Variants in ANKRD11 observed in about 807,000 individuals in gnomAD.
The protein encoded by ANKRD11 is ankyrin repeat domain-containing protein 11.
Under a neutral mutation model 195.7 loss-of-function variants are expected in ANKRD11, and 17 were observed. The ratio of observed to expected loss-of-function variants is 0.09; its 90% CI spans 0.06 to 0.13. The LOEUF (loss-of-function observed/expected upper bound fraction) is 0.13. Ranked by LOEUF, ANKRD11 falls within the 10% of genes least tolerant of loss-of-function variation. ANKRD11 has a pLI of 1.00. For synonymous variants in ANKRD11, 1,953 were observed against 1,528.1 expected, an observed-to-expected ratio of 1.28 and a Z score of -6.49; for missense variants, 3,735 against 3,566.1, an observed-to-expected ratio of 1.05 and a Z score of -1.21.
rs558566675 is a variant in ANKRD11 at position 89,283,332 on chromosome 16, A to G, written c.3210T>C (p.His1070=). The part of the protein sequence containing the change: ...KDTKEKHKDT[H]GKDKERKASL... The stretch of plus-strand genomic sequence containing the variant: ...ACGCTTTCCTTTCTTTGTCTTTGCC[A>G]TGTGTGTCTTTATGTTTTTCCTTGG... Residue 1070 remains histidine (H), a synonymous_variant, in exon 9 of 13, where the codon CAT becomes CAC. Coordinates refer to ENST00000301030, the MANE Select transcript of ANKRD11 (RefSeq NM_013275.6). This position sits in a 1 kb window ranked among gnomAD's most constrained non-coding sequence, Gnocchi z 4.3. 1 of 1,613,342 alleles carries G rather than the reference A, an allele frequency of 6.2e-7. No homozygotes were observed. The highest frequency in any genetic ancestry group is 1.1e-5 in the South Asian group (1 of 91,070).
intron 2 of ANKRD11, among the ~76,000 whole-genome samples, chr16:89,337,386 T>C (rs1384750246): frequency 6.8e-6 from 1 of 146,724 alleles, no homozygotes; most frequent in Non-Finnish European, 1.5e-5. Flanking sequence ...TTTTTGTCAC[T>C]GTTAACCCTA....
At chr16:89,458,209 T>C (rs1430160298) in intron 1 of ANKRD11, among the ~76,000 whole-genome samples, 8 of 152,168 alleles carry the variant, frequency 5.3e-5, no homozygotes. Flanking sequence ...ACTTTAGCAC[T>C]TGCTTTACGT....
At chr16:89,370,643 G>C (rs1341566089) in intron 2 of ANKRD11, 2 of 152,498 alleles carry the variant, frequency 1.3e-5, no homozygotes, top group African/African-American at 4.8e-5. Flanking sequence ...ACGCCCAGGT[G>C]AGCTCAGCAT....
At chr16:89,358,726 G>A (rs2039598041) in intron 2 of ANKRD11, among the ~76,000 whole-genome samples, 3 of 152,168 alleles carry the variant, frequency 2.0e-5, no homozygotes, top group African/African-American at 7.2e-5. Context: ...TGCTGAGGAC[G>A]GGACATCTGC....
intron 2 of ANKRD11, chr16:89,403,706 G>C (rs1296696801): frequency 5.9e-5 from 9 of 152,208 alleles, no homozygotes; most frequent in Admixed American, 5.9e-4. Context: ...GAGGCAGGAA[G>C]ATGACTTGAG....
chr16:89,385,567 C>G (rs941261720), intron 2 of ANKRD11, among the ~76,000 whole-genome samples: 1 of 152,150 alleles, frequency 6.6e-6, no homozygotes, highest in African/African-American at 2.4e-5. Context: ...ACCAATTCTC[C>G]AACTCTACTG....
intron 11 of ANKRD11, among the ~76,000 whole-genome samples, chr16:89,274,267 G>C (rs1286502035): frequency 6.6e-6 from 1 of 152,222 alleles, no homozygotes; most frequent in Non-Finnish European, 1.5e-5. Context: ...CCCCACAGCA[G>C]ATGGGCAGGA....
Position 89,285,220 on chromosome 16 carries a change from T to C in ANKRD11, c.1322A>G (p.Glu441Gly). The C allele has an allele frequency of 6.2e-7, 1 of 1,613,792 alleles. No individual in the cohort carries two copies. Among genetic ancestry groups the C allele is most frequent in the Non-Finnish European group, 8.5e-7 (1 of 1,180,028 alleles). The change falls in exon 9 of 13, where the codon GAG becomes GGG. Residue 441 changes from glutamate to glycine, a missense_variant. Glu to Gly is a moderately conservative substitution (Grantham distance 98). Transcript: ENST00000301030. The surrounding 1 kb of genome is among the most constrained non-coding windows in gnomAD (Gnocchi z 5.6). ...HTILPGSKTR[E>G]PSNAKQQKEK... ...CTTCTGCTGCTTGGCATTAGAAGGCTCTCGTGTCTTACTACCAGGCAATAT... is the reference window on the plus strand; with the variant it reads ...CTTCTGCTGCTTGGCATTAGAAGGCCCTCGTGTCTTACTACCAGGCAATAT...
intron 1 of ANKRD11, among the ~76,000 whole-genome samples, chr16:89,425,154 C>T (rs1467848581): frequency 6.6e-6 from 1 of 151,832 alleles, no homozygotes; most frequent in Non-Finnish European, 1.5e-5. Flanking sequence ...CTAGCACCAA[C>T]TCACTTTATC....
intron 1 of ANKRD11, among the ~76,000 whole-genome samples, chr16:89,476,108 A>G (rs1369845251): frequency 6.6e-6 from 1 of 152,110 alleles, no homozygotes; most frequent in Non-Finnish European, 1.5e-5. Flanking sequence ...GAAAACACAG[A>G]AAATATGCAA....
chr16:89,436,186 G>T (rs2043209330), intron 1 of ANKRD11, among the ~76,000 whole-genome samples: 1 of 151,206 alleles, frequency 6.6e-6, no homozygotes, highest in Non-Finnish European at 1.5e-5. Context: ...AGACGGAGAT[G>T]GGTGGATCAC....
intron 2 of ANKRD11, among the ~76,000 whole-genome samples, chr16:89,415,677 A>G (rs1385805817): frequency 6.6e-6 from 1 of 151,084 alleles, no homozygotes; most frequent in Non-Finnish European, 1.5e-5. Flanking sequence ...AAAACACAAA[A>G]ATCAGCTGGG....
At position 89,279,260 on chromosome 16, in the gene ANKRD11, C is replaced by T; in HGVS notation, c.7282G>A (p.Glu2428Lys). ...IVDAIKLDAI[E>K]PYHSDRANPY... ...TTGGCCCTGTCGCTGTGGTAGGGCT[C>T]GATGGCATCCAGCTTGATGGCGTCC... The change falls in exon 9 of 13, where the codon GAG (glutamate) becomes AAG (lysine). Residue 2428 changes from glutamate to lysine, a missense_variant. Transcript: ENST00000301030. The surrounding 1 kb of genome is among the most constrained non-coding windows in gnomAD (Gnocchi z 5.6). 1 of 1,611,662 alleles carries T rather than the reference C, an allele frequency of 6.2e-7. No individual in the cohort carries two copies. Among genetic ancestry groups the T allele is most frequent in the Non-Finnish European group, 8.5e-7 (1 of 1,179,586 alleles).
chr16:89,415,754 G>C (rs1309935995), intron 2 of ANKRD11, among the ~76,000 whole-genome samples: 1 of 147,520 alleles, frequency 6.8e-6, no homozygotes, highest in African/African-American at 2.5e-5. Context: ...CTTGAATCTG[G>C]GAGGTGGAGG....
At chr16:89,453,643 C>A (rs1319064052) in intron 1 of ANKRD11, among the ~76,000 whole-genome samples, 1 of 152,176 alleles carries the variant, frequency 6.6e-6, no homozygotes, top group Non-Finnish European at 1.5e-5. Context: ...CACAAAGCAT[C>A]TGTTCAAGCA....
At chr16:89,324,864 T>G in intron 2 of ANKRD11, 3 of 278,356 alleles carry the variant, frequency 1.1e-5, no homozygotes, top group South Asian at 1.0e-4. Flanking sequence ...ATTGTGGGAC[T>G]TCACCTCATG....
chr16:89,451,085 G>C (rs1409819799), intron 1 of ANKRD11, among the ~76,000 whole-genome samples: 5 of 152,182 alleles, frequency 3.3e-5, no homozygotes, highest in Non-Finnish European at 7.3e-5. Flanking sequence ...AAGTTAAGTA[G>C]TTTCAACAGA....
intron 2 of ANKRD11, among the ~76,000 whole-genome samples, chr16:89,399,651 C>T (rs779360402): frequency 1.3e-5 from 2 of 152,118 alleles, no homozygotes; most frequent in African/African-American, 2.4e-5. Flanking sequence ...TGAGGTCGTG[C>T]GGCCTGTGGG....
At chr16:89,347,359 C>T (rs2038990405) in intron 2 of ANKRD11, among the ~76,000 whole-genome samples, 3 of 152,274 alleles carry the variant, frequency 2.0e-5, no homozygotes, top group Middle Eastern at 6.8e-3. Flanking sequence ...CCTGTAATCC[C>T]AGCACTTTGA....
Sources: gnomAD v4.1 joint callset for allele counts (sites outside exome capture counted in the v4.1 genomes callset) on GRCh38, gnomAD v4.1.1 for gene constraint, Gnocchi (gnomAD v3.1) non-coding constraint, MANE v1.5 for transcripts, NCBI Gene and HGNC (gene_info 2026-07-23, HGNC 2026-07-21) for gene names.